IGSF9B: variants seen among roughly 807,000 people sequenced by gnomAD.
IGSF9B encodes protein turtle homolog B.
IGSF9B carries 48 observed loss-of-function variants against 143.7 expected under a neutral mutation model. That is an observed-to-expected ratio of 0.33 (90% CI 0.26 to 0.42). IGSF9B has a LOEUF of 0.42. Among genes scored for constraint, IGSF9B ranks in the 20% least tolerant of loss-of-function variants. The pLI, the probability that IGSF9B is intolerant of heterozygous loss-of-function variation, is 1.00. For missense variants in IGSF9B, 1,706 were observed against 1,980.0 expected, an observed-to-expected ratio of 0.86 and a Z score of 2.63; for synonymous variants, 903 against 833.1, an observed-to-expected ratio of 1.08 and a Z score of -1.44.
At chr11:133,919,687 G>C in intron 18 of IGSF9B, 55 bp downstream of exon 18, 2 of 1,140,102 alleles carry the variant, frequency 1.8e-6, no homozygotes, top group African/African-American at 3.2e-5. Flanking sequence ...AGGGCGAGGC[G>C]GGTGGGGGAA....
intron 1 of IGSF9B, 81 bp downstream of exon 1, chr11:133,956,610 G>C: frequency 1.0e-6 from 1 of 962,842 alleles, no homozygotes; most frequent in East Asian, 3.2e-5. Context: ...GGGGGCCAAG[G>C]AGCCGGGAAA....
Position 133,930,994 on chromosome 11 carries a change from G to A in IGSF9B, c.1509C>T (p.Leu503=). ...TTGCCGGCCACGTACCGATGACGGT[G>A]AGGTGGGTGCTGGCAGTGATGCTCG... is the stretch of plus-strand genomic sequence containing the variant. ...VVTSITASTH[L]TVIGTSPHAP... The change falls in exon 11 of 20, where the codon CTC becomes CTT. Residue 503 remains leucine, a synonymous_variant. Transcript: ENST00000533871. 6.2e-7 allele frequency: 1 copy of A among 1,611,694 alleles called. No homozygotes were observed. Among genetic ancestry groups the A allele is most frequent in the Non-Finnish European group, 8.5e-7 (1 of 1,178,762 alleles).
rs933079900 is a variant in IGSF9B at position 133,921,307 on chromosome 11, C to G, written c.2418G>C (p.Lys806Asn). Residue 806 changes from lysine (K) to asparagine (N), a missense_variant, in exon 18 of 20, where the codon AAG (lysine) becomes AAC (asparagine). This residue lies in a region of IGSF9B where 135 missense variants were observed against 181.3 expected (regional missense o/e 0.74). Transcript: ENST00000533871. ...SSDDQGQPAAKRMLSPTREKE... is the reference protein window; with the variant it reads ...SSDDQGQPAANRMLSPTREKE... The stretch of plus-strand genomic sequence containing the variant: ...TCTCACGGGTGGGGCTCAGCATCCT[C>G]TTGGCCGCGGGCTGGCCCTGGTCGT... 6.2e-7 allele frequency: 1 copy of G among 1,607,782 alleles called. No homozygotes were observed. Among genetic ancestry groups the G allele is most frequent in the Non-Finnish European group, 8.5e-7 (1 of 1,176,786 alleles).
Position 133,946,276 on chromosome 11 carries a change from G to A in IGSF9B, c.65-18C>T. The A allele has an allele frequency of 6.2e-7, 1 of 1,608,178 alleles. No individual in the cohort carries two copies. ...GTGGGCGCCTGATGGGGACGGCCAGGTTGGACACAGAAAGGAGGTGACAAA... is the reference window on the plus strand; with the variant it reads ...GTGGGCGCCTGATGGGGACGGCCAGATTGGACACAGAAAGGAGGTGACAAA... On this transcript the variant is annotated intron_variant, in intron 1 of 19. Transcript: ENST00000533871.
chr11:133,936,951 C>T (rs975489545), intron 5 of IGSF9B, among the ~76,000 whole-genome samples: 3 of 152,234 alleles, frequency 2.0e-5, no homozygotes, highest in Admixed American at 6.5e-5. Context: ...GACCCCAGCT[C>T]TGCCAAATGC....
Position 133,937,970 on chromosome 11 carries a change from G to C in IGSF9B, c.410-9C>G. 1 of 1,612,868 alleles carries C rather than the reference G, an allele frequency of 6.2e-7. No homozygotes were observed. Among genetic ancestry groups the C allele is most frequent in the South Asian group, 1.1e-5 (1 of 90,798 alleles). On this transcript the variant is annotated splice_polypyrimidine_tract_variant and intron_variant, in intron 3 of 19. Coordinates refer to ENST00000533871, the MANE Select transcript of IGSF9B (RefSeq NM_001277285.4). The stretch of plus-strand genomic sequence containing the variant: ...TGTAAAGGTGGGAGGGGCTGCAAAG[G>C]AGACCACAAAGATGAAGGACACGCC...
chr11:133,952,163 A>T (rs1419492004), intron 1 of IGSF9B: 1 of 414,796 alleles, frequency 2.4e-6, no homozygotes, highest in Non-Finnish European at 5.0e-6. Flanking sequence ...GCAAGAGAGA[A>T]CAGAAAAGCA....
In IGSF9B at chr11:133,935,791, G is replaced by A. The variant is rs762089715; in HGVS notation, c.822-29C>T. 3.7e-6 allele frequency: 6 copies of A among 1,604,086 alleles called. No homozygotes were observed. In the East Asian group the frequency reaches 6.7e-5, roughly 18 times the overall value. ...CAAAGCGGCATGGGGACAGGGGGTTGGGCGAGCAGAAGGGGATCTTGCCGC... is the reference window on the plus strand; with the variant it reads ...CAAAGCGGCATGGGGACAGGGGGTTAGGCGAGCAGAAGGGGATCTTGCCGC... On this transcript the variant is annotated intron_variant, in intron 6 of 19. Transcript: ENST00000533871.
At chr11:133,939,399 T>C (rs1231743589) in intron 3 of IGSF9B, among the ~76,000 whole-genome samples, 1 of 152,256 alleles carries the variant, frequency 6.6e-6, no homozygotes, top group Non-Finnish European at 1.5e-5. Context: ...TTCTTACCTG[T>C]CCCCTTTATT....
At chr11:133,926,811 C>T (rs1939633980) in intron 13 of IGSF9B, 105 bp downstream of exon 13, 1 of 941,234 alleles carries the variant, frequency 1.1e-6, no homozygotes, top group Non-Finnish European at 1.6e-6. Flanking sequence ...GTGGAGCACT[C>T]AGCAAGGTAC....
Position 133,909,013 on chromosome 11 carries a change from C to T in IGSF9B, c.*56G>A. The T allele has an allele frequency of 7.0e-7, 1 of 1,425,716 alleles. No individual in the cohort carries two copies. The highest frequency in any genetic ancestry group is 9.5e-7 in the Non-Finnish European group (1 of 1,050,780). The allele number at this position is 1,425,716 out of a possible 1,614,324, so 88.3% of individuals were successfully genotyped here. ...AGGAGGACACACCCCCACACAGTGGCCCTCCCTGCCTGAGCCCAGCAACCT... is the reference window on the plus strand; with the variant it reads ...AGGAGGACACACCCCCACACAGTGGTCCTCCCTGCCTGAGCCCAGCAACCT... On this transcript the variant is annotated 3_prime_UTR_variant, in exon 20 of 20. Coordinates refer to ENST00000533871, the MANE Select transcript of IGSF9B (RefSeq NM_001277285.4). The surrounding 1 kb of genome is among the most constrained non-coding windows in gnomAD (Gnocchi z 4.2).
intron 11 of IGSF9B, 43 bp downstream of exon 11, chr11:133,930,941 T>G (rs756918731): frequency 1.9e-6 from 3 of 1,554,410 alleles, no homozygotes; most frequent in Non-Finnish European, 2.6e-6. Context: ...CCAGCCAGCC[T>G]GCTCTGTCCC....
At chr11:133,930,853 G>C (rs1477569247) in intron 11 of IGSF9B, 131 bp downstream of exon 11, 4 of 950,132 alleles carry the variant, frequency 4.2e-6, no homozygotes. Flanking sequence ...CGGAGTTCAG[G>C]GCTGCACTGA....
At position 133,908,223 on chromosome 11, in the gene IGSF9B, C is replaced by T. The variant is rs547744483; in HGVS notation, c.*846G>A. The stretch of plus-strand genomic sequence containing the variant: ...GCCTCTACTCCTGCAGCGTGAGCCA[C>T]GCTGGAAGGAAGAAAGATGCAGGTC... On this transcript the variant is annotated 3_prime_UTR_variant, in exon 20 of 20. Coordinates refer to ENST00000533871, the MANE Select transcript of IGSF9B (RefSeq NM_001277285.4). Among the ~76,000 whole-genome samples the T allele has an allele frequency of 2.6e-5, 4 of 152,178 alleles. No homozygotes were observed. The highest frequency in any genetic ancestry group is 2.1e-4 in the South Asian group (1 of 4,826).
chr11:133,955,253 C>T (rs1041696776), intron 1 of IGSF9B, among the ~76,000 whole-genome samples: 2 of 152,322 alleles, frequency 1.3e-5, no homozygotes, highest in East Asian at 3.9e-4. Flanking sequence ...GTTCCGTAAG[C>T]TTCCGCCATC....
rs569106051 is a variant in IGSF9B, at chr11:133,940,811, T to A, written c.410-2850A>T. On this transcript the variant is annotated intron_variant, in intron 3 of 19. Transcript: ENST00000533871. ...TACACCTCGCATGTCCTCGAAAAAA[T>A]CAATTCTTATCCAGTGTCTAAGAAT... Among the ~76,000 whole-genome samples, 12 of 152,300 alleles carry A rather than the reference T, an allele frequency of 7.9e-5. No individual in the cohort carries two copies. The South Asian group carries it at 2.3e-3, about 29-fold the overall frequency.
At chr11:133,936,369 C>A (rs1268708478) in intron 5 of IGSF9B, among the ~76,000 whole-genome samples, 175 bp from the exon 6 acceptor site, 1 of 152,112 alleles carries the variant, frequency 6.6e-6, no homozygotes, top group Non-Finnish European at 1.5e-5. Context: ...GTCCACCACC[C>A]CTGCCCCCGC....
intron 1 of IGSF9B, among the ~76,000 whole-genome samples, chr11:133,947,708 T>TTCTCTCTCTCTCTCTC (rs112387633): frequency 0.055 from 7,449 of 134,606 alleles, 370 homozygotes; most frequent in Middle Eastern, 0.1. Flanking sequence ...TCTGTGTTTG[T>TTCTCTCTCTCTCTCTC]TCTCTCTCTC....
intron 14 of IGSF9B, 84 bp downstream of exon 14, chr11:133,925,655 G>T: frequency 1.8e-6 from 2 of 1,097,856 alleles, no homozygotes; most frequent in Non-Finnish European, 2.7e-6. Flanking sequence ...ACCCAAAGTT[G>T]GTCACTCAAA....
Sources: gnomAD v4.1 joint callset for allele counts (sites outside exome capture counted in the v4.1 genomes callset) on GRCh38, gnomAD v4.1.1 for gene constraint, gnomAD v4.1.1 regional missense constraint, Gnocchi (gnomAD v3.1) non-coding constraint, MANE v1.5 for transcripts, NCBI Gene and HGNC (gene_info 2026-07-23, HGNC 2026-07-21) for gene names.